Variants in CEBPZOS observed in about 807,000 individuals in gnomAD.
CEBPZOS encodes CEBPZ opposite strand, also known as protein CEBPZOS.
A neutral mutation model predicts 4.8 loss-of-function variants in CEBPZOS; 10 were observed. That is an observed-to-expected ratio of 2.07 (90% CI 1.28 to 3.52). The LOEUF (loss-of-function observed/expected upper bound fraction) is 3.52. Among genes scored for constraint, CEBPZOS ranks in the 30% most tolerant of loss-of-function variants. CEBPZOS has a pLI of 0.00. For missense variants in CEBPZOS, 98 were observed against 43.6 expected, an observed-to-expected ratio of 2.25 and a Z score of -3.51; for synonymous variants, 25 against 14.2, an observed-to-expected ratio of 1.77 and a Z score of -1.72.
Position 37,203,904 on chromosome 2 carries a change from T to C in CEBPZOS, c.*2044T>C, listed in dbSNP as rs1341854701. 4 of 152,236 alleles carry C rather than the reference T, an allele frequency of 2.6e-5. No individual in the cohort carries two copies. Among genetic ancestry groups the C allele is most frequent in the Admixed American group, 2.6e-4 (4 of 15,286 alleles). The allele number at this position is 152,236 out of a possible 1,614,324, so 9.4% of individuals were successfully genotyped here. A position where few individuals can be genotyped will look rare whatever the true frequency, so the allele number is the denominator to read the frequency against. On this transcript the variant is annotated 3_prime_UTR_variant, in exon 5 of 5. Coordinates refer to ENST00000402297, the MANE Select transcript of CEBPZOS (RefSeq NM_001322374.2). Reference sequence around the variant, plus strand: ...ATGTTGTGGGCTACATAATATTCCATTGTATGGATATACCACATTTTGCTT... The same window carrying C: ...ATGTTGTGGGCTACATAATATTCCACTGTATGGATATACCACATTTTGCTT...
intron 4 of CEBPZOS, chr2:37,209,943 C>T (rs1443936974): frequency 6.6e-6 from 1 of 152,004 alleles, no homozygotes; most frequent in Non-Finnish European, 1.5e-5. Context: ...AAGAAAAAAA[C>T]AATCCCATCA....
intron 4 of CEBPZOS, chr2:37,211,386 T>C: frequency 3.9e-6 from 1 of 256,856 alleles, no homozygotes; most frequent in East Asian, 7.6e-5. Flanking sequence ...GTAAGAAGAA[T>C]GTTGGGCAGG....
exon 5 of CEBPZOS, chr2:37,213,702 C>T: frequency 3.7e-6 from 2 of 547,434 alleles, no homozygotes; most frequent in South Asian, 4.3e-5. Context: ...GTGTGAGCCA[C>T]AGCGCCTGGC....
At chr2:37,205,706 A>G (rs1207807250), downstream of CEBPZOS, among the ~76,000 whole-genome samples, 2 of 152,244 alleles carry the variant, frequency 1.3e-5, no homozygotes, top group African/African-American at 4.8e-5. Flanking sequence ...AGCAGTAAGC[A>G]GAAGCCAGAG....
chr2:37,200,258 G>T (rs1677153090), intron 2 of CEBPZOS, among the ~76,000 whole-genome samples: 1 of 152,276 alleles, frequency 6.6e-6, no homozygotes, highest in Admixed American at 6.5e-5. Flanking sequence ...ACTTTCACAT[G>T]CTATGGCCGA....
At chr2:37,198,561 A>G (rs1677060616) in intron 1 of CEBPZOS, 2 of 152,222 alleles carry the variant, frequency 1.3e-5, no homozygotes, top group South Asian at 4.1e-4. Flanking sequence ...TTGAGAACAA[A>G]AGAGCACACA....
chr2:37,201,464 A>C (rs1677227131), intron 3 of CEBPZOS, 178 bp from the exon 4 acceptor site: 3 of 562,428 alleles, frequency 5.3e-6, no homozygotes, highest in South Asian at 4.7e-5. Context: ...TAGACGAAAT[A>C]GTGCTCATTA....
chr2:37,201,176 A>G, intron 3 of CEBPZOS, 84 bp downstream of exon 3: 1 of 671,416 alleles, frequency 1.5e-6, no homozygotes, highest in South Asian at 1.7e-5. Context: ...TTTACAAGGA[A>G]TTTCTAACAA....
At position 37,202,472 on chromosome 2, in the gene CEBPZOS, C is replaced by G. The variant is rs889062893; in HGVS notation, c.*612C>G. 1.5e-5 allele frequency: 3 copies of G among 196,798 alleles called. No homozygotes were observed. The highest frequency in any genetic ancestry group is 4.7e-5 in the African/African-American group (2 of 42,246). 12.2% of individuals were successfully genotyped at this position (196,798 alleles called of 1,614,324 possible). A position where few individuals can be genotyped will look rare whatever the true frequency, so the allele number is the denominator to read the frequency against. On this transcript the variant is annotated 3_prime_UTR_variant, in exon 5 of 5. Transcript: ENST00000402297. Reference sequence around the variant, plus strand: ...CCAGCCTGGCCAACATGGTGAAACCCTGTTTCTACTAAAAATACAAAAATT... The same window carrying G: ...CCAGCCTGGCCAACATGGTGAAACCGTGTTTCTACTAAAAATACAAAAATT...
Position 37,203,462 on chromosome 2 carries a change from TA to T in CEBPZOS, c.*1612del, listed in dbSNP as rs60652580. ...TATAACAGCGAAAAAGGTTCTCCTT[TA>T]AAAAAAAAACTTATCTGTAGTACTG... On this transcript the variant is annotated 3_prime_UTR_variant, in exon 5 of 5. Coordinates refer to ENST00000402297, the MANE Select transcript of CEBPZOS (RefSeq NM_001322374.2). 29,144 of 150,102 alleles carry T rather than the reference TA, an allele frequency of 0.19. 2,926 individuals carry two copies. The highest frequency in any genetic ancestry group is 0.29 in the South Asian group (1,384 of 4,742). 9.3% of individuals were successfully genotyped at this position (150,102 alleles called of 1,614,324 possible).
chr2:37,209,649 C>T (rs1216576622), downstream of CEBPZOS: 2 of 151,944 alleles, frequency 1.3e-5, no homozygotes, highest in South Asian at 2.1e-4. Flanking sequence ...CAAGATGGAT[C>T]GAAGACTTAA....
intron 2 of CEBPZOS, among the ~76,000 whole-genome samples, chr2:37,200,070 G>C (rs545107272): frequency 3.0e-4 from 45 of 152,286 alleles, no homozygotes; most frequent in Non-Finnish European, 5.4e-4. Flanking sequence ...CTATTGTGGA[G>C]GATATAGCAA....
intron 4 of CEBPZOS, chr2:37,211,932 C>T (rs780294911): frequency 1.7e-5 from 27 of 1,613,574 alleles, no homozygotes; most frequent in African/African-American, 2.7e-5. Context: ...ATCCATACTT[C>T]CTAAAGAAAC....
In CEBPZOS at chr2:37,210,677, G is replaced by C. The variant is rs747986380; in HGVS notation, c.*3-2760G>C. On this transcript the variant is annotated intron_variant, in intron 4 of 4. Transcript: ENST00000397064. ...ACACATTGGGTGCAGTGTACTGCTT[G>C]AGTGATGGGTGCACCAAAATCTCAG... 13 of 234,058 alleles carry C rather than the reference G, an allele frequency of 5.6e-5. No individual in the cohort carries two copies. In the South Asian group the frequency reaches 7.8e-4, roughly 14 times the overall value. 14.5% of individuals were successfully genotyped at this position (234,058 alleles called of 1,614,324 possible). A position where few individuals can be genotyped will look rare whatever the true frequency, so the allele number is the denominator to read the frequency against.
rs1677304803 is a variant in CEBPZOS at position 37,202,524 on chromosome 2, A to C, written c.*664A>C. 3.5e-6 allele frequency: 1 copy of C among 283,308 alleles called. No homozygotes were observed. The highest frequency in any genetic ancestry group is 2.2e-5 in the African/African-American group (1 of 44,654). The allele number at this position is 283,308 out of a possible 1,614,324, so 17.5% of individuals were successfully genotyped here. The stretch of plus-strand genomic sequence containing the variant: ...GCTGGGCGTGGTGGTGCATGCCTGT[A>C]ATCCCAGCTACTTGGGAGGCTAAGG... On this transcript the variant is annotated 3_prime_UTR_variant, in exon 5 of 5. Coordinates refer to ENST00000402297, the MANE Select transcript of CEBPZOS (RefSeq NM_001322374.2).
chr2:37,205,876 TAGC>T (rs1207366825), downstream of CEBPZOS, among the ~76,000 whole-genome samples: 1 of 151,932 alleles, frequency 6.6e-6, no homozygotes, highest in Non-Finnish European at 1.5e-5. Flanking sequence ...AAAAAACAAT[TAGC>T]AGAAAGAAGA....
chr2:37,213,799 A>G, downstream of CEBPZOS: 1 of 1,060,502 alleles, frequency 9.4e-7, no homozygotes, highest in Non-Finnish European at 1.4e-6. Flanking sequence ...TCTCCCACTA[A>G]TGTTCCATGG....
downstream of CEBPZOS, chr2:37,214,891 G>T: frequency 1.2e-6 from 2 of 1,605,132 alleles, no homozygotes; most frequent in Non-Finnish European, 1.7e-6. Context: ...AGTACCTGTG[G>T]AAAAACACTT....
chr2:37,209,524 A>C (rs1677650108), downstream of CEBPZOS: 1 of 152,234 alleles, frequency 6.6e-6, no homozygotes, highest in Non-Finnish European at 1.5e-5. Flanking sequence ...GACAAAGTAA[A>C]CAAAAACAAA....
Sources: gnomAD v4.1 joint callset for allele counts (sites outside exome capture counted in the v4.1 genomes callset) on GRCh38, gnomAD v4.1.1 for gene constraint, MANE v1.5 for transcripts, NCBI Gene and HGNC (gene_info 2026-07-23, HGNC 2026-07-21) for gene names.